RCOR1: variants seen among roughly 807,000 people sequenced by gnomAD.
The protein encoded by RCOR1 is REST corepressor 1.
RCOR1 carries 12 observed loss-of-function variants against 64.0 expected under a neutral mutation model. The observed-to-expected ratio is 0.19, with a 90% CI of 0.12 to 0.30. The LOEUF is 0.30. Among genes scored for constraint, RCOR1 ranks in the 10% least tolerant of loss-of-function variants. RCOR1 has a pLI of 1.00. For missense variants in RCOR1, 502 were observed against 621.2 expected (o/e 0.81, Z 2.04); for synonymous variants, 279 against 227.2 (o/e 1.23, Z -2.05).
intron 2 of RCOR1, among the ~76,000 whole-genome samples, chr14:102,602,545 A>T (rs1256489875): frequency 6.6e-6 from 1 of 151,892 alleles, no homozygotes; most frequent in African/African-American, 2.4e-5. Context: ...CTAGGATTAC[A>T]GGCATGTGCT....
chr14:102,681,838 A>AT, intron 2 of RCOR1, 57 bp from the exon 3 acceptor site: 1 of 1,255,350 alleles, frequency 8.0e-7, no homozygotes, highest in Non-Finnish European at 1.1e-6. Context: ...ATTGTTACTT[A>AT]TAGCTTATTA....
chr14:102,643,892 T>C (rs149367301), intron 2 of RCOR1, among the ~76,000 whole-genome samples: 11 of 152,350 alleles, frequency 7.2e-5, no homozygotes, highest in African/African-American at 2.6e-4. Context: ...AGGTTCTTCT[T>C]TGGGAGAAAA....
At chr14:102,601,382 T>A (rs180842698) in intron 2 of RCOR1, among the ~76,000 whole-genome samples, 2 of 152,322 alleles carry the variant, frequency 1.3e-5, no homozygotes, top group Admixed American at 1.3e-4. Context: ...CCTTCTTTCT[T>A]CATTAATTCA....
At chr14:102,695,711 A>ATTTT (rs765805364) in intron 3 of RCOR1, among the ~76,000 whole-genome samples, 2 of 123,150 alleles carry the variant, frequency 1.6e-5, no homozygotes, top group Admixed American at 8.3e-5. Context: ...ATGCCCTGCT[A>ATTTT]TTTTTTTTTT....
At chr14:102,644,197 T>C (rs754414579) in intron 2 of RCOR1, among the ~76,000 whole-genome samples, 1 of 152,226 alleles carries the variant, frequency 6.6e-6, no homozygotes, top group Non-Finnish European at 1.5e-5. Flanking sequence ...CTCACAACAT[T>C]ATGGCCTCTG....
At chr14:102,625,623 G>A (rs1197247707) in intron 2 of RCOR1, among the ~76,000 whole-genome samples, 1 of 151,522 alleles carries the variant, frequency 6.6e-6, no homozygotes, top group Non-Finnish European at 1.5e-5. Context: ...TCTTGCCTCA[G>A]CCCCTCAAAG....
intron 2 of RCOR1, among the ~76,000 whole-genome samples, chr14:102,607,600 C>T (rs1040676988): frequency 6.6e-6 from 1 of 151,854 alleles, no homozygotes; most frequent in Non-Finnish European, 1.5e-5. Context: ...TAGAAAAAAG[C>T]TAGCCAGGCG....
At chr14:102,677,381 G>A (rs1169749622) in intron 2 of RCOR1, among the ~76,000 whole-genome samples, 16 of 141,764 alleles carry the variant, frequency 1.1e-4, no homozygotes, top group Admixed American at 9.5e-4. Flanking sequence ...GCTGCCGGGC[G>A]GAGACGCTCC....
intron 2 of RCOR1, among the ~76,000 whole-genome samples, chr14:102,643,685 T>G (rs1250285819): frequency 2.0e-5 from 3 of 152,176 alleles, no homozygotes; most frequent in Non-Finnish European, 4.4e-5. Flanking sequence ...GAATTAGACT[T>G]TCCCTAGCCT....
chr14:102,657,105 T>C (rs1894742840), intron 2 of RCOR1: 1 of 984,692 alleles, frequency 1.0e-6, no homozygotes, highest in African/African-American at 1.8e-5. Flanking sequence ...AATCTTTTTT[T>C]TTTTTCCTTA....
At chr14:102,654,741 A>AT (rs1191958943) in intron 2 of RCOR1, among the ~76,000 whole-genome samples, 4 of 151,814 alleles carry the variant, frequency 2.6e-5, no homozygotes, top group Non-Finnish European at 5.9e-5. Flanking sequence ...AAAGAAAAAA[A>AT]ATATAGAATT....
chr14:102,645,384 C>T (rs994064841), intron 2 of RCOR1, among the ~76,000 whole-genome samples: 1 of 152,082 alleles, frequency 6.6e-6, no homozygotes, highest in Non-Finnish European at 1.5e-5. Flanking sequence ...TGGAAATATC[C>T]TTAGGTAGAT....
chr14:102,688,120 C>T (rs1294045155), intron 3 of RCOR1, among the ~76,000 whole-genome samples: 1 of 152,124 alleles, frequency 6.6e-6, no homozygotes, highest in Non-Finnish European at 1.5e-5. Flanking sequence ...GCGTGTGCCA[C>T]CACACCCGGC....
intron 2 of RCOR1, among the ~76,000 whole-genome samples, chr14:102,616,659 C>T (rs1893768390): frequency 6.6e-6 from 1 of 152,122 alleles, no homozygotes. Context: ...AGCACTGGCA[C>T]TTCTGTCTTC....
intron 2 of RCOR1, among the ~76,000 whole-genome samples, chr14:102,664,138 C>T (rs1894873474): frequency 6.6e-6 from 1 of 152,246 alleles, no homozygotes; most frequent in Admixed American, 6.5e-5. Flanking sequence ...GAGACAGTCT[C>T]ACTCCGTCAC....
chr14:102,701,677 A>G (rs1895760973), intron 4 of RCOR1, among the ~76,000 whole-genome samples: 1 of 152,150 alleles, frequency 6.6e-6, no homozygotes, highest in East Asian at 1.9e-4. Flanking sequence ...TTTTTGACGC[A>G]TGTTTTCACA....
chr14:102,600,345 G>A (rs1893364256), intron 2 of RCOR1, among the ~76,000 whole-genome samples: 1 of 152,036 alleles, frequency 6.6e-6, no homozygotes, highest in East Asian at 1.9e-4. Flanking sequence ...AAAGTGCTGG[G>A]ATTACAAGCG....
chr14:102,630,498 A>G (rs1312008040), intron 2 of RCOR1, among the ~76,000 whole-genome samples: 1 of 152,240 alleles, frequency 6.6e-6, no homozygotes, highest in Non-Finnish European at 1.5e-5. Context: ...TCTGCTTAGC[A>G]TGTACTCCAT....
At chr14:102,676,882 G>T (rs1376813165) in intron 2 of RCOR1, among the ~76,000 whole-genome samples, 23 of 106,474 alleles carry the variant, frequency 2.2e-4, no homozygotes, top group South Asian at 9.3e-4. Context: ...CCTCCTGGAC[G>T]GGGCGGCTGG....
Sources: gnomAD v4.1 joint callset for allele counts (sites outside exome capture counted in the v4.1 genomes callset) on GRCh38, gnomAD v4.1.1 for gene constraint, MANE v1.5 for transcripts, NCBI Gene and HGNC (gene_info 2026-07-23, HGNC 2026-07-21) for gene names.